ACVR2B: variants seen among roughly 807,000 people sequenced by gnomAD.
ACVR2B encodes activin receptor type-2B.
Under a neutral mutation model 65.1 loss-of-function variants are expected in ACVR2B, and 18 were observed. The observed-to-expected ratio is 0.28, with a 90% CI of 0.19 to 0.41. The LOEUF (loss-of-function observed/expected upper bound fraction) is 0.41. Ranked by LOEUF, ACVR2B falls within the 10% of genes least tolerant of loss-of-function variation. The pLI, the probability that ACVR2B is intolerant of heterozygous loss-of-function variation, is 1.00. For synonymous variants in ACVR2B, 298 were observed against 277.7 expected (o/e 1.07, Z -0.73); for missense variants, 482 against 682.7 (o/e 0.71, Z 3.28).
In ACVR2B at chr3:38,489,465, A is replaced by G. The variant is rs1398791186; in HGVS notation, c.*6133A>G. On this transcript the variant is annotated 3_prime_UTR_variant, in exon 11 of 11. Transcript: ENST00000352511. ...GTGTTTATATGGATTCTTGTGATAC[A>G]CTGGCAGACTGGAGTCAATTTGCGG... 2.0e-5 allele frequency: 3 copies of G among 152,592 alleles called. No individual in the cohort carries two copies. The highest frequency in any genetic ancestry group is 2.9e-5 in the Non-Finnish European group (2 of 68,042). 9.5% of individuals were successfully genotyped at this position (152,592 alleles called of 1,614,324 possible).
intron 1 of ACVR2B, among the ~76,000 whole-genome samples, chr3:38,459,966 T>A (rs1226879271): frequency 6.6e-6 from 1 of 152,192 alleles, no homozygotes; most frequent in East Asian, 1.9e-4. Flanking sequence ...GGACTCTGTC[T>A]GTCTCATCTT....
At position 38,465,780 on chromosome 3, in the gene ACVR2B, A is replaced by G. The variant is rs546976158; in HGVS notation, c.52+11406A>G. On this transcript the variant is annotated intron_variant, in intron 1 of 10. Transcript: ENST00000352511. ...AATAGCTGAGAACTTTCTAAAATTA[A>G]TTAAAGACATCAAGCCACAGATTCA... Among the ~76,000 whole-genome samples the G allele has an allele frequency of 9.2e-5, 14 of 152,384 alleles. No homozygotes were observed. The South Asian group carries it at 2.9e-3, about 32-fold the overall frequency.
intron 1 of ACVR2B, among the ~76,000 whole-genome samples, chr3:38,457,851 C>T (rs576518797): frequency 6.6e-6 from 1 of 152,272 alleles, no homozygotes; most frequent in South Asian, 2.1e-4. Flanking sequence ...GACTTTCATC[C>T]CTCAGGCCTA....
intron 7 of ACVR2B, among the ~76,000 whole-genome samples, chr3:38,480,471 G>C (rs534299144): frequency 6.6e-6 from 1 of 152,264 alleles, no homozygotes; most frequent in East Asian, 1.9e-4. Flanking sequence ...ATTGAGACAA[G>C]TACTGTATTT....
chr3:38,463,081 A>G (rs1709674700), intron 1 of ACVR2B, among the ~76,000 whole-genome samples: 1 of 152,052 alleles, frequency 6.6e-6, no homozygotes. Flanking sequence ...GTATGAGGAG[A>G]CCTGGAGATA....
At position 38,478,517 on chromosome 3, in the gene ACVR2B, AG is replaced by A. The variant is rs1396830988; in HGVS notation, c.666+1del. On this transcript the variant is annotated frameshift_variant and splice_region_variant, in exon 5 of 11. Transcript: ENST00000352511. LOFTEE classifies it high-confidence loss of function. ...GTAGCTGTCAAGATCTTCCCACTCC[AG>A]GTGAGTGTTTGAGGGGCTCCATCCA... ...DFVAVKIFPL[Q>X]DKQSWQSERE... is the part of the protein sequence containing the mutation. The A allele has an allele frequency of 6.2e-7, 1 of 1,614,136 alleles. No individual in the cohort carries two copies. Among genetic ancestry groups the A allele is most frequent in the Admixed American group, 1.7e-5 (1 of 60,028 alleles).
At chr3:38,456,901 T>G (rs1709559537) in intron 1 of ACVR2B, among the ~76,000 whole-genome samples, 1 of 152,200 alleles carries the variant, frequency 6.6e-6, no homozygotes, top group Admixed American at 6.5e-5. Flanking sequence ...TGAGATGGAA[T>G]GAACTTCAAT....
At chr3:38,476,620 G>C (rs1340328653) in intron 1 of ACVR2B, 1 of 156,616 alleles carries the variant, frequency 6.4e-6, no homozygotes, top group Admixed American at 6.1e-5. Flanking sequence ...GTCTCCCTGG[G>C]GAACTGTTGT....
chr3:38,459,386 G>A (rs578071174), intron 1 of ACVR2B, among the ~76,000 whole-genome samples: 171 of 152,330 alleles, frequency 1.1e-3, no homozygotes, highest in Non-Finnish European at 2.0e-3. Flanking sequence ...CCGCCCACTC[G>A]CCTCTGACCG....
chr3:38,482,133 C>T lies in ACVR2B; in HGVS notation c.1075-65C>T, dbSNP rs1021529968. The T allele has an allele frequency of 5.0e-6, 8 of 1,609,660 alleles. No homozygotes were observed. The East Asian group carries it at 6.7e-5, about 13-fold the overall frequency. On this transcript the variant is annotated intron_variant, in intron 8 of 10. Coordinates refer to ENST00000352511, the MANE Select transcript of ACVR2B (RefSeq NM_001106.4). Reference sequence around the variant, plus strand: ...ATCTGGTGCACAGAGGCTGTAACTCCCATGTCCCAGCTGTGTGTGTATGGC... The same window carrying T: ...ATCTGGTGCACAGAGGCTGTAACTCTCATGTCCCAGCTGTGTGTGTATGGC...
chr3:38,464,538 C>T (rs1709698970), intron 1 of ACVR2B, among the ~76,000 whole-genome samples: 1 of 151,884 alleles, frequency 6.6e-6, no homozygotes, highest in African/African-American at 2.4e-5. Flanking sequence ...AGGCCAGTAT[C>T]TGCATGAGAA....
At chr3:38,466,276 A>G (rs1004068922) in intron 1 of ACVR2B, among the ~76,000 whole-genome samples, 1 of 152,114 alleles carries the variant, frequency 6.6e-6, no homozygotes, top group Non-Finnish European at 1.5e-5. Flanking sequence ...TAAAGGAAAA[A>G]ATTCTGGTCT....
chr3:38,469,771 A>G (rs1709790147), intron 1 of ACVR2B, among the ~76,000 whole-genome samples: 1 of 152,250 alleles, frequency 6.6e-6, no homozygotes, highest in East Asian at 1.9e-4. Context: ...TCAAAATTCT[A>G]AAACCACATG....
At position 38,488,866 on chromosome 3, in the gene ACVR2B, C is replaced by T. The variant is rs538587230; in HGVS notation, c.*5534C>T. 1.3e-5 allele frequency: 2 copies of T among 152,254 alleles called. No homozygotes were observed. Among genetic ancestry groups the T allele is most frequent in the African/African-American group, 4.8e-5 (2 of 41,522 alleles). The allele number at this position is 152,254 out of a possible 1,614,324, so 9.4% of individuals were successfully genotyped here. A position where few individuals can be genotyped will look rare whatever the true frequency, so the allele number is the denominator to read the frequency against. On this transcript the variant is annotated 3_prime_UTR_variant, in exon 11 of 11. Coordinates refer to ENST00000352511, the MANE Select transcript of ACVR2B (RefSeq NM_001106.4). ...GGCAGTGTCTTTGGATTGTCTAGGG[C>T]CTAGGTAATTCTGAGAACTACTGTA...
intron 1 of ACVR2B, among the ~76,000 whole-genome samples, chr3:38,465,094 A>G (rs970671069): frequency 6.6e-6 from 1 of 152,042 alleles, no homozygotes; most frequent in African/African-American, 2.4e-5. Flanking sequence ...TGCCATATAC[A>G]TATTTAAAAA....
chr3:38,472,922 T>C (rs574015950), intron 1 of ACVR2B, among the ~76,000 whole-genome samples: 2 of 152,214 alleles, frequency 1.3e-5, no homozygotes, highest in South Asian at 4.1e-4. Context: ...AACCTCCCAG[T>C]ATTTGACCTC....
At chr3:38,459,652 C>T (rs1024889915) in intron 1 of ACVR2B, 22 of 985,256 alleles carry the variant, frequency 2.2e-5, no homozygotes, top group South Asian at 1.4e-4. Context: ...GCCCCCAGGC[C>T]GGGGACACCA....
rs1010940703 is a variant in ACVR2B, at chr3:38,490,684, C to T, written c.*7352C>T. 6.6e-6 allele frequency: 1 copy of T among 152,564 alleles called. No homozygotes were observed. Among genetic ancestry groups the T allele is most frequent in the Admixed American group, 6.6e-5 (1 of 15,266 alleles). 9.5% of individuals were successfully genotyped at this position (152,564 alleles called of 1,614,324 possible). A position where few individuals can be genotyped will look rare whatever the true frequency, so the allele number is the denominator to read the frequency against. ...TCTGTGATCCAGGTATTTTAAGAAC[C>T]AGTTACCTCAGACCTCATGTTGAAC... On this transcript the variant is annotated 3_prime_UTR_variant, in exon 11 of 11. Coordinates refer to ENST00000352511, the MANE Select transcript of ACVR2B (RefSeq NM_001106.4).
At chr3:38,475,488 C>T (rs1235045026) in intron 1 of ACVR2B, 1 of 152,206 alleles carries the variant, frequency 6.6e-6, no homozygotes, top group African/African-American at 2.4e-5. Context: ...CCCTTAGGTG[C>T]TACCTGGATC....
Sources: gnomAD v4.1 joint callset for allele counts (sites outside exome capture counted in the v4.1 genomes callset) on GRCh38, gnomAD v4.1.1 for gene constraint, MANE v1.5 for transcripts, NCBI Gene and HGNC (gene_info 2026-07-23, HGNC 2026-07-21) for gene names.